PPP1R21: variants seen among roughly 807,000 people sequenced by gnomAD.
PPP1R21 encodes the protein protein phosphatase 1 regulatory subunit 21.
In PPP1R21, 85 loss-of-function variants were observed where a neutral mutation model predicts 112.8. That is an observed-to-expected ratio of 0.75 (90% CI 0.63 to 0.90). The LOEUF is 0.90. PPP1R21 is among the 40% of genes least tolerant of loss of function. The pLI, the probability that PPP1R21 is intolerant of heterozygous loss-of-function variation, is 0.00. For missense variants in PPP1R21, 1,199 were observed against 901.5 expected (o/e 1.33, Z -4.23); for synonymous variants, 381 against 322.3 (o/e 1.18, Z -1.95).
At chr2:48,451,636 C>G (rs1351613553) in intron 2 of PPP1R21, among the ~76,000 whole-genome samples, 1 of 152,150 alleles carries the variant, frequency 6.6e-6, no homozygotes, top group Non-Finnish European at 1.5e-5. Flanking sequence ...TTGTTTCTGC[C>G]TCATTTCTAG....
intron 1 of PPP1R21, among the ~76,000 whole-genome samples, chr2:48,445,002 G>A (rs1558409775): frequency 1.3e-5 from 2 of 151,938 alleles, no homozygotes; most frequent in Non-Finnish European, 2.9e-5. Flanking sequence ...ACAGCTACTT[G>A]TATGGAGAAA....
At chr2:48,462,024 C>T (rs1239098598) in intron 7 of PPP1R21, among the ~76,000 whole-genome samples, 1 of 152,166 alleles carries the variant, frequency 6.6e-6, no homozygotes, top group Non-Finnish European at 1.5e-5. Context: ...TTGAAAATAA[C>T]ACCTGCTTCT....
intron 14 of PPP1R21, 87 bp downstream of exon 14, chr2:48,486,845 G>T: frequency 6.9e-7 from 1 of 1,439,236 alleles, no homozygotes; most frequent in Non-Finnish European, 9.4e-7. Flanking sequence ...ATCTGTAAAA[G>T]GATTTTGTAA....
intron 1 of PPP1R21, 187 bp downstream of exon 1, chr2:48,441,197 G>T (rs1444444275): frequency 1.6e-6 from 1 of 618,050 alleles, no homozygotes; most frequent in Non-Finnish European, 2.9e-6. Context: ...GGGGCCGGGC[G>T]GTGTCTGCGT....
At chr2:48,489,754 AC>A (rs1293068236) in intron 14 of PPP1R21, among the ~76,000 whole-genome samples, 1 of 152,032 alleles carries the variant, frequency 6.6e-6, no homozygotes, top group Non-Finnish European at 1.5e-5. Flanking sequence ...TACTAAACAT[AC>A]AAAAATTAGG....
chr2:48,456,014 CA>C lies in PPP1R21; in HGVS notation c.273+1295del, dbSNP rs1310918539. On this transcript the variant is annotated intron_variant, in intron 3 of 21. Transcript: ENST00000294952. ...TGGGTGGCAGAGTGAGACACTGTCT[CA>C]AAAAAAAAAAAAAAAAAAAAATAGT... Among the ~76,000 whole-genome samples the C allele has an allele frequency of 3.8e-3, 77 of 20,202 alleles. No homozygotes were observed. In the East Asian group the frequency reaches 0.051, roughly 13 times the overall value. The allele number at this position is 20,202 out of a possible 152,430, so 13.3% of individuals were successfully genotyped here.
intron 14 of PPP1R21, among the ~76,000 whole-genome samples, chr2:48,488,008 C>G (rs1239160373): frequency 6.6e-6 from 1 of 152,120 alleles, no homozygotes; most frequent in Non-Finnish European, 1.5e-5. Flanking sequence ...ATATACTATT[C>G]TGCTTCTGAC....
intron 9 of PPP1R21, among the ~76,000 whole-genome samples, chr2:48,469,332 GAGCATATATATATAT>G (rs1355525181): frequency 9.9e-5 from 2 of 20,258 alleles, no homozygotes; most frequent in South Asian, 3.9e-3. Context: ...TATATATATA[GAGCATATATATATAT>G]AGCATATATA....
rs1439746528 is a variant in PPP1R21 at position 48,502,283 on chromosome 2, C to G, written c.1936-3281C>G. Among the ~76,000 whole-genome samples the G allele has an allele frequency of 2.0e-5, 3 of 152,250 alleles. No homozygotes were observed. In the East Asian group the frequency reaches 5.8e-4, roughly 29 times the overall value. ...GTGGAAAGGACCTGATACCTTTTCTCTCCATCATGAGGGTCACAGCCAGCA... is the reference window on the plus strand; with the variant it reads ...GTGGAAAGGACCTGATACCTTTTCTGTCCATCATGAGGGTCACAGCCAGCA... On this transcript the variant is annotated intron_variant, in intron 17 of 21. Coordinates refer to ENST00000294952, the MANE Select transcript of PPP1R21 (RefSeq NM_001135629.3).
rs750239110 is a variant in PPP1R21 at position 48,464,940 on chromosome 2, A to T, written c.698A>T (p.Tyr233Phe). The change falls in exon 8 of 22, where the codon TAT (tyrosine) becomes TTT (phenylalanine). Residue 233 changes from tyrosine (Y) to phenylalanine (F), a missense_variant. By Grantham distance (22) the Tyr-to-Phe change is conservative. Coordinates refer to ENST00000294952, the MANE Select transcript of PPP1R21 (RefSeq NM_001135629.3). ...GTACATTATTTTTCTTCTGTAGAATATAGTCAGTACAACGCTCTGAACGTT... is the reference window on the plus strand; with the variant it reads ...GTACATTATTTTTCTTCTGTAGAATTTAGTCAGTACAACGCTCTGAACGTT... The part of the protein sequence containing the change: ...NEKVPFNDTK[Y>F]SQYNALNVPL... 5.7e-6 allele frequency: 9 copies of T among 1,566,116 alleles called. No homozygotes were observed. In the South Asian group the frequency reaches 1.1e-4, roughly 19 times the overall value.
chr2:48,461,040 C>T (rs1572842359), intron 6 of PPP1R21, 98 bp from the exon 7 acceptor site: 3 of 1,476,056 alleles, frequency 2.0e-6, no homozygotes, highest in East Asian at 2.7e-5. Context: ...AGGTGCAGTT[C>T]TCTGGAAGCC....
intron 21 of PPP1R21, among the ~76,000 whole-genome samples, chr2:48,514,073 C>CTTTTT (rs1225415838): frequency 1.1e-3 from 101 of 89,854 alleles, no homozygotes; most frequent in East Asian, 2.1e-3. Context: ...GAGACATGTT[C>CTTTTT]TTTTTTTTTT....
intron 12 of PPP1R21, among the ~76,000 whole-genome samples, chr2:48,477,076 A>G (rs1488536969): frequency 6.9e-6 from 1 of 144,086 alleles, no homozygotes; most frequent in Non-Finnish European, 1.5e-5. Flanking sequence ...TATAGTTTTA[A>G]CTCTTACTTA....
intron 11 of PPP1R21, among the ~76,000 whole-genome samples, chr2:48,472,000 G>A (rs766881937): frequency 1.4e-4 from 22 of 151,992 alleles, no homozygotes; most frequent in Non-Finnish European, 2.4e-4. Flanking sequence ...AGCACTTTGG[G>A]AGGCTGAGGT....
At chr2:48,452,261 A>G (rs1205229412) in intron 2 of PPP1R21, among the ~76,000 whole-genome samples, 1 of 152,186 alleles carries the variant, frequency 6.6e-6, no homozygotes, top group Non-Finnish European at 1.5e-5. Context: ...CAGTAATGGT[A>G]GGAACAGTGG....
intron 14 of PPP1R21, among the ~76,000 whole-genome samples, chr2:48,489,730 T>A (rs1014221199): frequency 6.6e-6 from 1 of 151,900 alleles, no homozygotes; most frequent in Non-Finnish European, 1.5e-5. Context: ...GCCAACATGT[T>A]GAAACCCTGT....
chr2:48,495,625 G>T (rs189702153), intron 15 of PPP1R21, 54 bp from the exon 16 acceptor site: 19 of 938,138 alleles, frequency 2.0e-5, no homozygotes, highest in African/African-American at 9.7e-5. Flanking sequence ...GTTGGATGCA[G>T]GGGAGGGGTG....
At chr2:48,475,957 A>T (rs1469106834) in intron 12 of PPP1R21, among the ~76,000 whole-genome samples, 1 of 152,146 alleles carries the variant, frequency 6.6e-6, no homozygotes, top group Non-Finnish European at 1.5e-5. Context: ...ATTATTGTAT[A>T]ATTTATATAC....
At chr2:48,509,414 C>G (rs1268748253) in intron 19 of PPP1R21, among the ~76,000 whole-genome samples, 1 of 151,644 alleles carries the variant, frequency 6.6e-6, no homozygotes, top group Non-Finnish European at 1.5e-5. Context: ...CTAGAAAGTT[C>G]TTATGTAAAG....
Sources: gnomAD v4.1 joint callset for allele counts (sites outside exome capture counted in the v4.1 genomes callset) on GRCh38, gnomAD v4.1.1 for gene constraint, MANE v1.5 for transcripts, NCBI Gene and HGNC (gene_info 2026-07-23, HGNC 2026-07-21) for gene names.